Variants in GRIP1 observed in about 807,000 individuals in gnomAD.
The protein encoded by GRIP1 is glutamate receptor interacting protein 1.
GRIP1 carries 45 observed loss-of-function variants against 129.9 expected under a neutral mutation model. That is an observed-to-expected ratio of 0.35 (90% CI 0.27 to 0.44). The LOEUF is 0.44. GRIP1 is among the 20% of genes least tolerant of loss of function. GRIP1 has a pLI of 1.00. For missense variants in GRIP1, 1,196 were observed against 1,396.8 expected (o/e 0.86, Z 2.29); for synonymous variants, 530 against 520.8 (o/e 1.02, Z -0.24).
chr12:66,788,351 A>G (rs924997341), intron 1 of GRIP1, among the ~76,000 whole-genome samples: 5 of 152,020 alleles, frequency 3.3e-5, no homozygotes, highest in African/African-American at 1.2e-4. Context: ...CTTTGAGTTT[A>G]CTATGGTTGA....
chr12:66,446,094 G>GCCACCCCCCCCCCCCCC, intron 11 of GRIP1, among the ~76,000 whole-genome samples: 1 of 140,500 alleles, frequency 7.1e-6, no homozygotes, highest in African/African-American at 2.9e-5. Context: ...CATTCCTCCT[G>GCCACCCCCCCCCCCCCC]CCGCCCCCCA....
chr12:66,632,325 A>G (rs2030889348), intron 1 of GRIP1, among the ~76,000 whole-genome samples: 1 of 152,226 alleles, frequency 6.6e-6, no homozygotes, highest in African/African-American at 2.4e-5. Flanking sequence ...CTTTATCTAA[A>G]GAGAAGGCAA....
chr12:66,946,357 A>T (rs7966850), intron 1 of GRIP1, among the ~76,000 whole-genome samples: 76,045 of 151,988 alleles, frequency 0.5, 20,898 homozygotes, highest in African/African-American at 0.74. Flanking sequence ...ATTGCAGACT[A>T]TCCTTAAAAA....
At chr12:66,798,495 C>A (rs2038764807) in intron 1 of GRIP1, among the ~76,000 whole-genome samples, 1 of 152,140 alleles carries the variant, frequency 6.6e-6, no homozygotes, top group Non-Finnish European at 1.5e-5. Context: ...TATTCAGTAA[C>A]TTGCCTTGTC....
intron 1 of GRIP1, among the ~76,000 whole-genome samples, chr12:66,734,728 A>C (rs1050828850): frequency 6.6e-6 from 1 of 152,212 alleles, no homozygotes; most frequent in Non-Finnish European, 1.5e-5. Context: ...CCATAGATGG[A>C]CAGGAATAAA....
In GRIP1 at chr12:66,596,947, C is replaced by T. The variant is rs755601687; in HGVS notation, c.56-20G>A. 2.6e-6 allele frequency: 4 copies of T among 1,552,814 alleles called. No homozygotes were observed. Among genetic ancestry groups the T allele is most frequent in the Non-Finnish European group, 2.7e-6 (3 of 1,124,142 alleles). Reference sequence around the variant, plus strand: ...TCTCATCTGCAAAGGTACAATGAAGCGTTTGGTTAATTTCCATCCAGTTTC... The same window carrying T: ...TCTCATCTGCAAAGGTACAATGAAGTGTTTGGTTAATTTCCATCCAGTTTC... On this transcript the variant is annotated intron_variant, in intron 1 of 24. Coordinates refer to ENST00000359742, the MANE Select transcript of GRIP1 (RefSeq NM_001366722.1).
Position 66,555,358 on chromosome 12 carries a change from C to T in GRIP1, c.137-13408G>A, listed in dbSNP as rs189794405. ...AGCATTACTGGGCTTGGGGTGCCCC[C>T]TAATGCAGATATGGCTGCAGTGACC... On this transcript the variant is annotated intron_variant, in intron 2 of 24. Coordinates refer to ENST00000359742, the MANE Select transcript of GRIP1 (RefSeq NM_001366722.1). Among the ~76,000 whole-genome samples the T allele has an allele frequency of 3.3e-5, 5 of 152,326 alleles. No homozygotes were observed. The East Asian group carries it at 9.7e-4, about 29-fold the overall frequency.
intron 1 of GRIP1, among the ~76,000 whole-genome samples, chr12:66,988,554 AT>A (rs761523927): frequency 2.0e-5 from 3 of 151,828 alleles, no homozygotes; most frequent in Admixed American, 2.0e-4. Flanking sequence ...TAATTTTTGA[AT>A]TTTTTGTAGA....
chr12:66,492,736 A>C (rs1381423191), intron 7 of GRIP1, among the ~76,000 whole-genome samples: 1 of 152,224 alleles, frequency 6.6e-6, no homozygotes, highest in Non-Finnish European at 1.5e-5. Flanking sequence ...TAGGCCAGGC[A>C]TGGTGGCTTA....
In GRIP1 at chr12:66,994,719, C is replaced by T. The variant is rs926459001; in HGVS notation, c.58+74331G>A. ...AACAAAGATCTAAAAAATAGAAAGT[C>T]TTCTGTTAATGAAACAGAAGACTTA... On this transcript the variant is annotated intron_variant, in intron 1 of 1. Transcript: ENST00000643019. Among the ~76,000 whole-genome samples the T allele has an allele frequency of 2.0e-5, 3 of 152,032 alleles. No individual in the cohort carries two copies. In the South Asian group the frequency reaches 6.2e-4, roughly 32 times the overall value.
At chr12:66,808,618 C>T (rs2039044378), upstream of GRIP1, among the ~76,000 whole-genome samples, 1 of 151,714 alleles carries the variant, frequency 6.6e-6, no homozygotes, top group African/African-American at 2.4e-5. Flanking sequence ...TTTTTTTAAA[C>T]TGAGCAAACA....
chr12:66,538,088 T>C (rs1201605575), intron 4 of GRIP1, among the ~76,000 whole-genome samples: 2 of 152,228 alleles, frequency 1.3e-5, no homozygotes, highest in African/African-American at 2.4e-5. Context: ...TAATCTCACA[T>C]TGTCTGCTCT....
intron 1 of GRIP1, among the ~76,000 whole-genome samples, chr12:66,716,326 C>T (rs1466058230): frequency 6.6e-6 from 1 of 151,880 alleles, no homozygotes; most frequent in African/African-American, 2.4e-5. Context: ...GGTTTCCTCA[C>T]CTGACCATTT....
At chr12:66,922,379 G>C (rs2041227827) in intron 1 of GRIP1, among the ~76,000 whole-genome samples, 1 of 152,138 alleles carries the variant, frequency 6.6e-6, no homozygotes, top group African/African-American at 2.4e-5. Context: ...ATCTTAAAGA[G>C]AAATCAGTGG....
At chr12:67,007,155 G>C (rs1014965654) in intron 1 of GRIP1, among the ~76,000 whole-genome samples, 7 of 152,008 alleles carry the variant, frequency 4.6e-5, no homozygotes, top group Non-Finnish European at 8.8e-5. Flanking sequence ...ATGGGCAGAG[G>C]GTAGAGGGAT....
intron 1 of GRIP1, among the ~76,000 whole-genome samples, chr12:66,872,368 A>G (rs1323562438): frequency 9.2e-5 from 14 of 152,072 alleles, no homozygotes; most frequent in Admixed American, 9.2e-4. Context: ...GTTCTAATGC[A>G]TGGTTCTAGG....
intron 5 of GRIP1, among the ~76,000 whole-genome samples, chr12:66,529,177 T>A (rs2061363259): frequency 6.6e-6 from 1 of 152,088 alleles, no homozygotes; most frequent in African/African-American, 2.4e-5. Flanking sequence ...AGGGAACACT[T>A]CTACACTGCT....
At chr12:66,878,162 G>A (rs1386607781) in intron 1 of GRIP1, among the ~76,000 whole-genome samples, 1 of 151,974 alleles carries the variant, frequency 6.6e-6, no homozygotes, top group Non-Finnish European at 1.5e-5. Flanking sequence ...CTGAGGACTG[G>A]GCTGGCTGCT....
chr12:66,427,822 C>T (rs558529542), intron 14 of GRIP1, among the ~76,000 whole-genome samples: 2 of 152,314 alleles, frequency 1.3e-5, no homozygotes, highest in South Asian at 4.1e-4. Context: ...TTAGACAAAG[C>T]CCTGCTTCTT....
Sources: gnomAD v4.1 joint callset for allele counts (sites outside exome capture counted in the v4.1 genomes callset) on GRCh38, gnomAD v4.1.1 for gene constraint, MANE v1.5 for transcripts, NCBI Gene and HGNC (gene_info 2026-07-23, HGNC 2026-07-21) for gene names.